The following SAMTOR variants were observed in gnomAD, a reference collection of about 807,000 sequenced individuals.
SAMTOR encodes the protein UPF0532 protein C7orf60.
chr7:112,939,471 C>T, the SAMTOR span: 4 of 1,467,354 alleles, frequency 2.7e-6, no homozygotes, highest in Admixed American at 2.1e-5. Flanking sequence ...GCAGCAGCGG[C>T]TGGGGGGACG....
the SAMTOR span, among the ~76,000 whole-genome samples, chr7:112,919,219 G>A: frequency 6.6e-6 from 1 of 152,128 alleles, no homozygotes; most frequent in Non-Finnish European, 1.5e-5. Context: ...CTCAGCAAAT[G>A]TAAAAGAACA....
chr7:112,860,659 T>C, the SAMTOR span, among the ~76,000 whole-genome samples: 1 of 151,808 alleles, frequency 6.6e-6, no homozygotes, highest in Non-Finnish European at 1.5e-5. Context: ...TCCCAGCACT[T>C]TGGGAGGCCG....
the SAMTOR span, among the ~76,000 whole-genome samples, chr7:112,843,925 C>A: frequency 9.4e-3 from 1,424 of 152,216 alleles, 28 homozygotes; most frequent in African/African-American, 0.032. Context: ...AAAAGCCAAT[C>A]CACCACAGTC....
chr7:112,921,999 A>T, the SAMTOR span, among the ~76,000 whole-genome samples: 1 of 151,386 alleles, frequency 6.6e-6, no homozygotes, highest in Non-Finnish European at 1.5e-5. Context: ...TCTCCCTCTG[A>T]TGCCGAGCCG....
the SAMTOR span, among the ~76,000 whole-genome samples, chr7:112,843,799 C>T: frequency 2.6e-5 from 4 of 151,956 alleles, no homozygotes; most frequent in Non-Finnish European, 4.4e-5. Flanking sequence ...TCTATGAAGC[C>T]AGCATCATTC....
chr7:112,917,940 A>G, the SAMTOR span, among the ~76,000 whole-genome samples: 85 of 152,280 alleles, frequency 5.6e-4, no homozygotes, highest in African/African-American at 1.6e-3. Flanking sequence ...AAGAAATATG[A>G]GACTATGTGA....
At chr7:112,895,428 A>T in the SAMTOR span, 1 of 542,992 alleles carries the variant, frequency 1.8e-6, no homozygotes, top group East Asian at 3.1e-5. Flanking sequence ...TAATCTAATA[A>T]TATTACCTAT....
chr7:112,882,566 G>A, the SAMTOR span, among the ~76,000 whole-genome samples: 1 of 151,994 alleles, frequency 6.6e-6, no homozygotes, highest in South Asian at 2.1e-4. Context: ...GCACGTGCCT[G>A]TAATCCCAGC....
At chr7:112,838,815 T>A in the SAMTOR span, among the ~76,000 whole-genome samples, 1 of 151,924 alleles carries the variant, frequency 6.6e-6, no homozygotes, top group Admixed American at 6.6e-5. Flanking sequence ...GATATAGTCA[T>A]CTTGAAATTA....
chr7:112,918,665 G>C, the SAMTOR span, among the ~76,000 whole-genome samples: 1 of 152,144 alleles, frequency 6.6e-6, no homozygotes, highest in African/African-American at 2.4e-5. Context: ...ATTGGATAAA[G>C]AGTCAAGACC....
At chr7:112,912,798 A>C in the SAMTOR span, among the ~76,000 whole-genome samples, 1 of 152,150 alleles carries the variant, frequency 6.6e-6, no homozygotes, top group Non-Finnish European at 1.5e-5. Flanking sequence ...ATGTGATAAT[A>C]TAACGATTGA....
chr7:112,915,485 A>G, the SAMTOR span: 3 of 1,498,710 alleles, frequency 2.0e-6, no homozygotes, highest in South Asian at 4.0e-5. Context: ...GTTTACACTG[A>G]AACATGTCAG....
At chr7:112,849,834 C>T in the SAMTOR span, among the ~76,000 whole-genome samples, 2 of 152,116 alleles carry the variant, frequency 1.3e-5, no homozygotes, top group Non-Finnish European at 2.9e-5. Context: ...AATGCTTTTT[C>T]TGTGTCTATT....
chr7:112,821,533 T>G, the SAMTOR span: 418 of 431,348 alleles, frequency 9.7e-4, 3 homozygotes, highest in Non-Finnish European at 1.7e-4. Context: ...TAGTTTCTGC[T>G]ATGACATGAG....
the SAMTOR span, among the ~76,000 whole-genome samples, chr7:112,874,999 C>T: frequency 1.3e-5 from 2 of 152,100 alleles, no homozygotes; most frequent in African/African-American, 4.8e-5. Flanking sequence ...AGCGCTTAGA[C>T]TAAGGAAAGA....
chr7:112,903,410 T>G, the SAMTOR span, among the ~76,000 whole-genome samples: 1 of 150,844 alleles, frequency 6.6e-6, no homozygotes, highest in East Asian at 1.9e-4. Context: ...CACAACTAAG[T>G]GCAATGAGTT....
chr7:112,879,621 T>TA, the SAMTOR span, among the ~76,000 whole-genome samples: 2 of 152,176 alleles, frequency 1.3e-5, no homozygotes, highest in African/African-American at 4.8e-5. Flanking sequence ...GGTTTTGGAA[T>TA]ACTTGCATTA....
At chr7:112,907,842 C>CTTACTTATTTATTTATTTATTTAT in the SAMTOR span, among the ~76,000 whole-genome samples, 1 of 146,346 alleles carries the variant, frequency 6.8e-6, no homozygotes, top group African/African-American at 2.5e-5. Context: ...TTCTTACTTA[C>CTTACTTATTTATTTATTTATTTAT]TTATTTATTT....
chr7:112,919,746 A>G, the SAMTOR span, among the ~76,000 whole-genome samples: 17 of 151,628 alleles, frequency 1.1e-4, no homozygotes, highest in Non-Finnish European at 2.5e-4. Flanking sequence ...AATAGACGCA[A>G]TAAAAAATGA....
Sources: gnomAD v4.1 joint callset for allele counts (sites outside exome capture counted in the v4.1 genomes callset) on GRCh38, gnomAD v4.1.1 for gene constraint, MANE v1.5 for transcripts, NCBI Gene and HGNC (gene_info 2026-07-23, HGNC 2026-07-21) for gene names.